MYO9B: variants seen among roughly 807,000 people sequenced by gnomAD.
MYO9B encodes the protein unconventional myosin-IXb.
In MYO9B, 71 loss-of-function variants were observed where a neutral mutation model predicts 229.5. The observed-to-expected ratio is 0.31, with a 90% CI of 0.26 to 0.38. The LOEUF (loss-of-function observed/expected upper bound fraction) is 0.38, where lower values mean the gene tolerates loss of function less well. MYO9B is among the 10% of genes least tolerant of loss of function. The pLI, the probability that MYO9B is intolerant of heterozygous loss-of-function variation, is 1.00. For synonymous variants in MYO9B, 1,185 were observed against 1,235.8 expected (o/e 0.96, Z 0.86); for missense variants, 2,255 against 2,920.5 (o/e 0.77, Z 5.25).
At chr19:17,083,980 G>A (rs1375343936) in intron 1 of MYO9B, among the ~76,000 whole-genome samples, 1 of 152,046 alleles carries the variant, frequency 6.6e-6, no homozygotes, top group East Asian at 1.9e-4. Flanking sequence ...AGTGAATGGG[G>A]AAGGAGAGAG....
chr19:17,176,335 C>T (rs890795393), intron 14 of MYO9B, among the ~76,000 whole-genome samples: 3 of 151,268 alleles, frequency 2.0e-5, no homozygotes, highest in Non-Finnish European at 2.9e-5. Flanking sequence ...TGCACCCTGC[C>T]TAATTTTGTA....
In MYO9B at chr19:17,167,961, G is replaced by T; in HGVS notation, c.1690G>T (p.Gly564Trp). The change falls in exon 11 of 40, where the codon GGG becomes TGG. Residue 564 changes from glycine to tryptophan, a missense_variant. Physicochemically the swap from Gly to Trp is radical, Grantham distance 184 (BLOSUM62 -2). This residue lies in a region of MYO9B where 220 missense variants were observed against 404.5 expected (regional missense o/e 0.54). Coordinates refer to ENST00000682292, the MANE Select transcript of MYO9B (RefSeq NM_004145.4). ...CCTGCAGGAGGAATATCAGGGCGAG[G>T]GGATCACGTGGCACAACATCGGCTA... The part of the protein sequence containing the change: ...KLEQEEYQGE[G>W]ITWHNIGYTD... The T allele has an allele frequency of 6.3e-7, 1 of 1,582,092 alleles. No individual in the cohort carries two copies. The highest frequency in any genetic ancestry group is 1.3e-5 in the African/African-American group (1 of 74,274).
At chr19:17,145,654 A>G (rs911973035) in intron 3 of MYO9B, among the ~76,000 whole-genome samples, 163 bp downstream of exon 3, 27 of 151,918 alleles carry the variant, frequency 1.8e-4, no homozygotes, top group Admixed American at 4.6e-4. Context: ...GAAGGTCTGG[A>G]ACAGTAGGTT....
intron 1 of MYO9B, among the ~76,000 whole-genome samples, chr19:17,088,503 C>T (rs952972409): frequency 2.0e-5 from 3 of 152,186 alleles, no homozygotes; most frequent in Non-Finnish European, 4.4e-5. Context: ...CCCCCAGCTG[C>T]TCCCCGAGGA....
intron 1 of MYO9B, among the ~76,000 whole-genome samples, chr19:17,094,495 C>A (rs1474780818): frequency 6.6e-6 from 1 of 152,208 alleles, no homozygotes; most frequent in Admixed American, 6.5e-5. Flanking sequence ...CATCCCTCCC[C>A]ACTCCACATC....
intron 2 of MYO9B, among the ~76,000 whole-genome samples, chr19:17,110,944 A>G (rs940479292): frequency 2.6e-5 from 4 of 151,720 alleles, no homozygotes; most frequent in African/African-American, 7.3e-5. Flanking sequence ...GGCCCTACAA[A>G]CCCAGTCTCA....
chr19:17,115,624 A>G (rs1224174609), intron 2 of MYO9B, among the ~76,000 whole-genome samples: 1 of 151,584 alleles, frequency 6.6e-6, no homozygotes, highest in Non-Finnish European at 1.5e-5. Context: ...GCCCACCACA[A>G]CACCTGGCTA....
chr19:17,152,890 CT>C, intron 4 of MYO9B, 184 bp downstream of exon 4: 1 of 590,842 alleles, frequency 1.7e-6, no homozygotes, highest in South Asian at 2.1e-5. Context: ...TGGCCTCACA[CT>C]TTGTCCTCAT....
chr19:17,132,521 TA>T (rs2072211694), intron 2 of MYO9B, among the ~76,000 whole-genome samples: 4 of 113,006 alleles, frequency 3.5e-5, no homozygotes, highest in African/African-American at 7.7e-5. Flanking sequence ...TATTTATTAT[TA>T]TTATTTTTTT....
intron 28 of MYO9B, 77 bp from the exon 29 acceptor site, chr19:17,202,765 A>G (rs909464142): frequency 1.4e-6 from 2 of 1,436,372 alleles, no homozygotes; most frequent in African/African-American, 2.8e-5. Context: ...CACACGCCTG[A>G]GTTATGGGGT....
rs141426487 is a variant in MYO9B at position 17,196,116 on chromosome 19, GGAGA to G, written c.4046+655_4046+658del. Among the ~76,000 whole-genome samples the G allele has an allele frequency of 6.1e-5, 8 of 132,192 alleles. No individual in the cohort carries two copies. The East Asian group carries it at 9.9e-4, about 16-fold the overall frequency. 86.7% of individuals were successfully genotyped at this position (132,192 alleles called of 152,430 possible). A position where few individuals can be genotyped will look rare whatever the true frequency, so the allele number is the denominator to read the frequency against. The stretch of plus-strand genomic sequence containing the variant: ...ATAGATGATGGATGGAGGGAGGGAG[GGAGA>G]GAGAGAGAGAGGGAAGGATGTGTGG... On this transcript the variant is annotated intron_variant, in intron 22 of 39. Transcript: ENST00000682292.
chr19:17,115,897 A>C (rs983410120), intron 2 of MYO9B, among the ~76,000 whole-genome samples: 3 of 151,938 alleles, frequency 2.0e-5, no homozygotes, highest in Admixed American at 6.6e-5. Flanking sequence ...TGCCATAGAC[A>C]TACATACGTA....
At chr19:17,114,539 ATGT>A (rs1285754579) in intron 2 of MYO9B, among the ~76,000 whole-genome samples, 2 of 152,078 alleles carry the variant, frequency 1.3e-5, no homozygotes, top group Non-Finnish European at 2.9e-5. Flanking sequence ...ACGTCTTACA[ATGT>A]TGTTTGTAAG....
chr19:17,206,580 G>T, intron 33 of MYO9B, 99 bp from the exon 34 acceptor site: 1 of 1,323,314 alleles, frequency 7.6e-7, no homozygotes. Flanking sequence ...GGGCACCACA[G>T]GGTGGATGGC....
Position 17,206,119 on chromosome 19 carries a change from C to T in MYO9B, c.5224C>T (p.Arg1742Cys), listed in dbSNP as rs564943238. ...GLYRKSGAAN[R>C]TRELRQALQT... ...CTACCGCAAGTCGGGTGCTGCCAAC[C>T]GCACTCGGGAGCTCCGGCAGGCGCT... The change falls in exon 32 of 40, where the codon CGC becomes TGC. Residue 1742 changes from arginine to cysteine, a missense_variant. Transcript: ENST00000682292. 49 of 1,606,628 alleles carry T rather than the reference C, an allele frequency of 3.0e-5. No individual in the cohort carries two copies. The South Asian group carries it at 3.1e-4, about 10-fold the overall frequency.
intron 3 of MYO9B, 62 bp from the exon 4 acceptor site, chr19:17,152,582 T>A (rs879094527): frequency 5.3e-6 from 7 of 1,317,550 alleles, no homozygotes; most frequent in African/African-American, 3.0e-5. Context: ...AAAAAACAAC[T>A]CAATATTAAC....
intron 1 of MYO9B, among the ~76,000 whole-genome samples, chr19:17,088,263 ATG>A (rs2057602585): frequency 2.0e-5 from 3 of 152,066 alleles, no homozygotes; most frequent in African/African-American, 7.3e-5. Flanking sequence ...CTGTGTGCAC[ATG>A]TCTCTTTTCC....
intron 2 of MYO9B, among the ~76,000 whole-genome samples, chr19:17,104,897 C>G (rs887736021): frequency 2.6e-5 from 4 of 152,112 alleles, no homozygotes; most frequent in Non-Finnish European, 4.4e-5. Flanking sequence ...TGACTCAACT[C>G]TACGTTGGTA....
At position 17,134,381 on chromosome 19, in the gene MYO9B, G is replaced by GTTTTTTTTTT. The variant is rs869297825; in HGVS notation, c.841-10997_841-10988dup. Among the ~76,000 whole-genome samples, 42 of 46,478 alleles carry GTTTTTTTTTT rather than the reference G, an allele frequency of 9.0e-4. 1 individual carries two copies. Among genetic ancestry groups the GTTTTTTTTTT allele is most frequent in the East Asian group, 2.4e-3 (3 of 1,260 alleles). The allele number at this position is 46,478 out of a possible 152,430, so 30.5% of individuals were successfully genotyped here. A position where few individuals can be genotyped will look rare whatever the true frequency, so the allele number is the denominator to read the frequency against. On this transcript the variant is annotated intron_variant, in intron 2 of 39. Coordinates refer to ENST00000682292, the MANE Select transcript of MYO9B (RefSeq NM_004145.4). ...CTTTGTTTTTTTTTTCGTTTTGTTT[G>GTTTTTTTTTT]TTTTTTTTTTTTTTTTTTTTTTTTT... is the stretch of plus-strand genomic sequence containing the variant.
Sources: allele counts gnomAD v4.1 joint callset (sites outside exome capture counted in the v4.1 genomes callset), GRCh38; gene constraint gnomAD v4.1.1; regional missense constraint gnomAD v4.1.1; transcripts MANE v1.5; gene names NCBI Gene and HGNC (gene_info 2026-07-23, HGNC 2026-07-21).